SLC37A3: variants seen among roughly 807,000 people sequenced by gnomAD.
The protein encoded by SLC37A3 is sugar phosphate exchanger 3.
A neutral mutation model predicts 67.1 loss-of-function variants in SLC37A3; 51 were observed. That is an observed-to-expected ratio of 0.76 (90% CI 0.61 to 0.96). SLC37A3 has a LOEUF of 0.96. SLC37A3 is among the 40% of genes least tolerant of loss of function. The probability of loss-of-function intolerance (pLI) is 0.00; values close to 1 mark genes in which losing one functional copy is unlikely to be tolerated. For missense variants in SLC37A3, 508 were observed against 603.0 expected (o/e 0.84, Z 1.65); for synonymous variants, 214 against 231.4 (o/e 0.92, Z 0.68).
intron 7 of SLC37A3, 108 bp downstream of exon 7, chr7:140,355,560 G>T: frequency 9.7e-7 from 1 of 1,026,746 alleles, no homozygotes; most frequent in Non-Finnish European, 1.5e-6. Flanking sequence ...TCCAGACACA[G>T]TTCTACATAG....
chr7:140,396,882 G>GTTT lies in SLC37A3; in HGVS notation c.-71+1531_-71+1533dup, dbSNP rs199685905. 1.4e-4 allele frequency among the ~76,000 whole-genome samples: 14 copies of GTTT among 100,848 alleles called. 1 individual carries two copies. Among genetic ancestry groups the GTTT allele is most frequent in the African/African-American group, 2.7e-4 (7 of 26,234 alleles). 66.2% of individuals were successfully genotyped at this position (100,848 alleles called of 152,430 possible). Reference sequence around the variant, plus strand: ...GTAGCTTCTCTGAATCTCAATTTCTGTTTTTTTTTTTGTTTTTTTTTTTTT... The same window carrying GTTT: ...GTAGCTTCTCTGAATCTCAATTTCTGTTTTTTTTTTTTTTGTTTTTTTTTTTTT... On this transcript the variant is annotated intron_variant, in intron 1 of 14. Transcript: ENST00000326232.
At chr7:140,395,424 T>C (rs960471343) in intron 1 of SLC37A3, among the ~76,000 whole-genome samples, 2 of 96,042 alleles carry the variant, frequency 2.1e-5, no homozygotes, top group Non-Finnish European at 4.5e-5. Context: ...AAAATAAAAA[T>C]AGGCTGGGTG....
At position 140,351,279 on chromosome 7, in the gene SLC37A3, G is replaced by C. The variant is rs369485138; in HGVS notation, c.876C>G (p.Val292=). The part of the protein sequence containing the change: ...SFYQACCLPG[V]IPYSLAYACL... The stretch of plus-strand genomic sequence containing the variant: ...AGATGTAAGCGGTCCTTACCGGTAT[G>C]ACTCCAGGAAGGCAACATGCCTGGT... The change falls in exon 9 of 15, where the codon GTC becomes GTG. Residue 292 remains valine, a synonymous_variant. Transcript: ENST00000326232. The C allele has an allele frequency of 4.4e-5, 71 of 1,613,826 alleles. No homozygotes were observed. The highest frequency in any genetic ancestry group is 5.7e-5 in the Non-Finnish European group (67 of 1,179,888).
rs376221967 is a variant in SLC37A3, at chr7:140,345,945, A to G, written c.1050T>C (p.Ser350=). 2.9e-5 allele frequency: 46 copies of G among 1,613,908 alleles called. No individual in the cohort carries two copies. The African/African-American group carries it at 5.3e-4, about 19-fold the overall frequency. ...CCGGCGCTCTCTTCTGTAGTACATC[A>G]GAGATGAAGCCTTGCAAAGTTCCAC... The part of the protein sequence containing the change: ...IIGGTLQGFI[S]DVLQKRAPVL... The change falls in exon 11 of 15, where the codon TCT becomes TCC. Residue 350 remains serine, a synonymous_variant. Coordinates refer to ENST00000326232, the MANE Select transcript of SLC37A3 (RefSeq NM_207113.3).
intron 5 of SLC37A3, among the ~76,000 whole-genome samples, chr7:140,362,558 G>GC (rs1482470843): frequency 8.0e-6 from 1 of 125,570 alleles, no homozygotes; most frequent in African/African-American, 3.0e-5. Flanking sequence ...TGGGGGGTCA[G>GC]CCCCCCGCCC....
intron 13 of SLC37A3, among the ~76,000 whole-genome samples, chr7:140,338,157 T>G (rs1238710165): frequency 6.6e-6 from 1 of 152,228 alleles, no homozygotes; most frequent in Non-Finnish European, 1.5e-5. Flanking sequence ...CCCAAAGTGC[T>G]GGGATTACAG....
intron 1 of SLC37A3, among the ~76,000 whole-genome samples, chr7:140,391,450 G>T (rs1355626881): frequency 6.6e-6 from 1 of 152,194 alleles, no homozygotes; most frequent in Non-Finnish European, 1.5e-5. Context: ...CAGCTACTTG[G>T]GAGGCTGAGG....
At chr7:140,370,602 C>T (rs918255297) in intron 3 of SLC37A3, 2 of 152,052 alleles carry the variant, frequency 1.3e-5, no homozygotes, top group Non-Finnish European at 2.9e-5. Context: ...CAGTGGTTGC[C>T]TAGGGCTGAC....
chr7:140,336,813 G>A (rs1337385529), intron 14 of SLC37A3, among the ~76,000 whole-genome samples: 1 of 152,036 alleles, frequency 6.6e-6, no homozygotes, highest in Non-Finnish European at 1.5e-5. Context: ...AAAGAAGAAT[G>A]TGAAGTCAGG....
Position 140,382,478 on chromosome 7 carries a change from T to C in SLC37A3, c.49A>G (p.Ser17Gly), listed in dbSNP as rs772864847. 3.1e-6 allele frequency: 5 copies of C among 1,614,074 alleles called. No homozygotes were observed. The Admixed American group carries it at 5.0e-5, about 16-fold the overall frequency. ...AGGAACACTACAACATGATGATGGC[T>C]GAACTGGGACAGCAGAGACCCTCTT... ...FQRGSLLSQF[S>G]HHHVVVFLLT... Residue 17 changes from serine to glycine, a missense_variant, in exon 2 of 15, where the codon AGC (serine) becomes GGC (glycine). Transcript: ENST00000326232.
intron 4 of SLC37A3, among the ~76,000 whole-genome samples, chr7:140,367,296 G>T (rs1797640771): frequency 6.6e-6 from 1 of 151,978 alleles, no homozygotes; most frequent in Admixed American, 6.6e-5. Context: ...CATTAGCTGG[G>T]CATGATGGTG....
intron 14 of SLC37A3, 141 bp downstream of exon 14, chr7:140,337,143 C>A: frequency 2.6e-5 from 9 of 344,442 alleles, no homozygotes; most frequent in Middle Eastern, 9.3e-4. Flanking sequence ...AAGAAGATGT[C>A]TTTTAGACTA....
intron 2 of SLC37A3, among the ~76,000 whole-genome samples, chr7:140,381,930 C>T (rs1292027957): frequency 6.7e-6 from 1 of 149,326 alleles, no homozygotes; most frequent in Non-Finnish European, 1.5e-5. Context: ...AGGAGAATAG[C>T]TTGAACCCAG....
intron 6 of SLC37A3, among the ~76,000 whole-genome samples, chr7:140,356,195 C>CG (rs370538437): frequency 5.2e-5 from 7 of 135,062 alleles, no homozygotes; most frequent in Admixed American, 1.5e-4. Context: ...CTCCACCTCC[C>CG]AAAAAAAAAA....
At chr7:140,338,051 C>T (rs1428860742) in intron 13 of SLC37A3, among the ~76,000 whole-genome samples, 3 of 151,978 alleles carry the variant, frequency 2.0e-5, no homozygotes, top group Admixed American at 6.6e-5. Context: ...CCACCTCACC[C>T]GGCCAATTTT....
chr7:140,345,387 G>T, intron 11 of SLC37A3, 124 bp from the exon 12 acceptor site: 1 of 698,258 alleles, frequency 1.4e-6, no homozygotes. Flanking sequence ...ACAACAAAGA[G>T]ACACAACTCT....
In SLC37A3 at chr7:140,387,776, C is replaced by CTATATATTAT. The variant is rs1563053484; in HGVS notation, c.-70-5181_-70-5180insATAATATATA. Among the ~76,000 whole-genome samples, 11 of 15,186 alleles carry CTATATATTAT rather than the reference C, an allele frequency of 7.2e-4. 2 individuals are homozygous for CTATATATTAT. Among genetic ancestry groups the CTATATATTAT allele is most frequent in the African/African-American group, 2.5e-3 (11 of 4,362 alleles). The allele number at this position is 15,186 out of a possible 152,430, so 10.0% of individuals were successfully genotyped here. ...ATATAAATATATTATATATATTATA[C>CTATATATTAT]ATAAATATAAATATATTATATATAT... On this transcript the variant is annotated intron_variant, in intron 1 of 14. Transcript: ENST00000326232.
chr7:140,352,193 C>T (rs971156166), intron 7 of SLC37A3, 47 bp from the exon 8 acceptor site: 6 of 1,004,180 alleles, frequency 6.0e-6, no homozygotes, highest in Non-Finnish European at 5.6e-6. Context: ...TGGGGACAGT[C>T]ATCACAAGCA....
intron 10 of SLC37A3, 78 bp downstream of exon 10, chr7:140,348,548 G>T: frequency 1.3e-5 from 19 of 1,432,480 alleles, no homozygotes; most frequent in Middle Eastern, 1.9e-4. Flanking sequence ...AACTTTAAAT[G>T]AGGCCAGATT....
Sources: gnomAD v4.1 joint callset for allele counts (sites outside exome capture counted in the v4.1 genomes callset) on GRCh38, gnomAD v4.1.1 for gene constraint, MANE v1.5 for transcripts, NCBI Gene and HGNC (gene_info 2026-07-23, HGNC 2026-07-21) for gene names.